PTPRR: variants seen among roughly 807,000 people sequenced by gnomAD.
PTPRR encodes the protein protein tyrosine phosphatase receptor type R, also known as receptor-type tyrosine-protein phosphatase R.
PTPRR carries 38 observed loss-of-function variants against 77.2 expected under a neutral mutation model. The ratio of observed to expected loss-of-function variants is 0.49; its 90% confidence interval spans 0.38 to 0.65. The LOEUF (loss-of-function observed/expected upper bound fraction) is 0.65. Among genes scored for constraint, PTPRR ranks in the 30% least tolerant of loss-of-function variants. The pLI is 0.00. For missense variants in PTPRR, 744 were observed against 799.2 expected, an observed-to-expected ratio of 0.93 and a Z score of 0.83; for synonymous variants, 299 against 283.1, an observed-to-expected ratio of 1.06 and a Z score of -0.57.
At chr12:70,814,423 C>T (rs1891864141) in intron 2 of PTPRR, among the ~76,000 whole-genome samples, 2 of 152,314 alleles carry the variant, frequency 1.3e-5, no homozygotes, top group South Asian at 2.1e-4. Flanking sequence ...GAGAGCCTGG[C>T]TGTCTTAACA....
Position 70,867,884 on chromosome 12 carries a change from A to C in PTPRR, c.357+24795T>G, listed in dbSNP as rs533931481. Among the ~76,000 whole-genome samples, 5 of 152,174 alleles carry C rather than the reference A, an allele frequency of 3.3e-5. No individual in the cohort carries two copies. In the South Asian group the frequency reaches 8.3e-4, roughly 25 times the overall value. ...ACAGAGCCCTCAGAAATAATGCCGC[A>C]TATCTACAACCATCTGATCTTTGAC... On this transcript the variant is annotated intron_variant, in intron 2 of 13. Coordinates refer to ENST00000283228, the MANE Select transcript of PTPRR (RefSeq NM_002849.4).
At chr12:70,879,480 C>A (rs1893111760) in intron 2 of PTPRR, among the ~76,000 whole-genome samples, 1 of 151,944 alleles carries the variant, frequency 6.6e-6, no homozygotes, top group Non-Finnish European at 1.5e-5. Context: ...GTAGAACAAG[C>A]ACATGAACCC....
At chr12:70,868,662 T>C (rs886892920) in intron 2 of PTPRR, among the ~76,000 whole-genome samples, 8 of 152,056 alleles carry the variant, frequency 5.3e-5, no homozygotes, top group Non-Finnish European at 2.9e-5. Flanking sequence ...AGAAATACCA[T>C]TTGACCCAGC....
chr12:70,864,128 C>A (rs1892800787), intron 2 of PTPRR, among the ~76,000 whole-genome samples: 1 of 152,190 alleles, frequency 6.6e-6, no homozygotes, highest in Admixed American at 6.6e-5. Context: ...AAATTCTCTT[C>A]TATCTCCCAG....
At position 70,707,154 on chromosome 12, in the gene PTPRR, G is replaced by A. The variant is rs1490432848; in HGVS notation, c.1008-5831C>T. 2.0e-5 allele frequency among the ~76,000 whole-genome samples: 3 copies of A among 152,016 alleles called. No individual in the cohort carries two copies. In the East Asian group the frequency reaches 5.8e-4, roughly 29 times the overall value. ...GTTGGGACTATTTTTCATACTTCAA[G>A]TCCTTAACATTTATACCTAATGTCT... is the stretch of plus-strand genomic sequence containing the variant. On this transcript the variant is annotated intron_variant, in intron 6 of 13. Coordinates refer to ENST00000283228, the MANE Select transcript of PTPRR (RefSeq NM_002849.4).
chr12:70,665,397 T>C (rs1281596010), intron 10 of PTPRR, among the ~76,000 whole-genome samples: 1 of 121,428 alleles, frequency 8.2e-6, no homozygotes, highest in Admixed American at 8.3e-5. Flanking sequence ...TTTTTTTTTT[T>C]TTGTGATGGA....
intron 13 of PTPRR, among the ~76,000 whole-genome samples, chr12:70,646,558 G>A (rs1010499871): frequency 6.6e-6 from 1 of 152,094 alleles, no homozygotes; most frequent in African/African-American, 2.4e-5. Context: ...TGTCCTGGCA[G>A]CCACTTGGAA....
At chr12:70,790,101 A>G (rs774896272) in intron 2 of PTPRR, among the ~76,000 whole-genome samples, 1 of 152,204 alleles carries the variant, frequency 6.6e-6, no homozygotes, top group Non-Finnish European at 1.5e-5. Context: ...TCTAATTTAT[A>G]TTCAAATGTG....
Position 70,751,164 on chromosome 12 carries a change from C to T in PTPRR, c.738+3027G>A, listed in dbSNP as rs534276474. 4.6e-5 allele frequency among the ~76,000 whole-genome samples: 7 copies of T among 152,290 alleles called. No homozygotes were observed. In the South Asian group the frequency reaches 1.0e-3, roughly 23 times the overall value. On this transcript the variant is annotated intron_variant, in intron 5 of 13. Transcript: ENST00000283228. The stretch of plus-strand genomic sequence containing the variant: ...ACGCTCATCCTCATTCTGAACGTGT[C>T]CCTCTCCCAGGAAATGAGAACATTT...
At chr12:70,841,165 A>G (rs1892390680) in intron 2 of PTPRR, among the ~76,000 whole-genome samples, 1 of 151,994 alleles carries the variant, frequency 6.6e-6, no homozygotes, top group African/African-American at 2.4e-5. Flanking sequence ...TAGAGGCATT[A>G]GAATCAGACT....
At chr12:70,740,601 C>A (rs942096522) in intron 6 of PTPRR, among the ~76,000 whole-genome samples, 1 of 151,986 alleles carries the variant, frequency 6.6e-6, no homozygotes, top group Non-Finnish European at 1.5e-5. Flanking sequence ...TCTTTATACT[C>A]AGTTAAGCAA....
At chr12:70,675,557 A>G (rs1247184048) in intron 10 of PTPRR, among the ~76,000 whole-genome samples, 1 of 151,968 alleles carries the variant, frequency 6.6e-6, no homozygotes, top group Non-Finnish European at 1.5e-5. Flanking sequence ...AACTTTCCTC[A>G]TCTTCTCAAA....
intron 6 of PTPRR, among the ~76,000 whole-genome samples, chr12:70,732,280 A>G (rs1889688273): frequency 6.6e-6 from 1 of 152,234 alleles, no homozygotes; most frequent in African/African-American, 2.4e-5. Context: ...TCTGTCAGGA[A>G]AAAATATTCC....
chr12:70,778,276 A>C (rs75495278), intron 2 of PTPRR, among the ~76,000 whole-genome samples: 2 of 152,084 alleles, frequency 1.3e-5, no homozygotes, highest in African/African-American at 4.8e-5. Context: ...GCTGTGAAAA[A>C]TACTGTGGCC....
chr12:70,682,379 G>A (rs1253393584), intron 10 of PTPRR, among the ~76,000 whole-genome samples: 2 of 152,124 alleles, frequency 1.3e-5, no homozygotes, highest in African/African-American at 2.4e-5. Flanking sequence ...TACCTTTGAA[G>A]GTGCTCACTT....
At chr12:70,809,099 G>C (rs1174974465) in intron 2 of PTPRR, among the ~76,000 whole-genome samples, 3 of 152,144 alleles carry the variant, frequency 2.0e-5, no homozygotes, top group Admixed American at 2.0e-4. Context: ...TTACAGCTAG[G>C]TGTGGTCACA....
intron 1 of PTPRR, among the ~76,000 whole-genome samples, chr12:70,898,098 T>C (rs913225950): frequency 6.6e-6 from 1 of 151,668 alleles, no homozygotes; most frequent in Admixed American, 6.6e-5. Flanking sequence ...CACATGTATA[T>C]GTATGTAACA....
chr12:70,889,552 T>C (rs1369996078), intron 2 of PTPRR, among the ~76,000 whole-genome samples: 2 of 152,118 alleles, frequency 1.3e-5, no homozygotes, highest in South Asian at 2.1e-4. Context: ...ACAGAAACAA[T>C]AGAATGTCTG....
chr12:70,760,861 A>G (rs1382219281), intron 4 of PTPRR, among the ~76,000 whole-genome samples: 1 of 152,198 alleles, frequency 6.6e-6, no homozygotes, highest in African/African-American at 2.4e-5. Flanking sequence ...AGAATTGGAA[A>G]GGAAATTAAA....
Sources: gnomAD v4.1 joint callset for allele counts (sites outside exome capture counted in the v4.1 genomes callset) on GRCh38, gnomAD v4.1.1 for gene constraint, MANE v1.5 for transcripts, NCBI Gene and HGNC (gene_info 2026-07-23, HGNC 2026-07-21) for gene names.